CX3CR1: variants seen among roughly 807,000 people sequenced by gnomAD.
The protein encoded by CX3CR1 is C-X3-C motif chemokine receptor 1.
For missense variants in CX3CR1, 363 were observed against 432.4 expected (o/e 0.84, Z 1.42); for synonymous variants, 168 against 178.5 (o/e 0.94, Z 0.47).
chr3:39,266,668 T>A, intron 1 of CX3CR1, 150 bp from the exon 2 acceptor site: 1 of 811,542 alleles, frequency 1.2e-6, no homozygotes, highest in Non-Finnish European at 2.2e-6. Flanking sequence ...CCATCTTGTT[T>A]AATCCCCACA....
Position 39,266,239 on chromosome 3 carries a change from A to G in CX3CR1, c.271T>C (p.Leu91=). The G allele has an allele frequency of 6.2e-7, 1 of 1,614,234 alleles. No homozygotes were observed. The highest frequency in any genetic ancestry group is 8.5e-7 in the Non-Finnish European group (1 of 1,180,034). The change falls in exon 2 of 2, where the codon TTG becomes CTG. Residue 91 remains leucine, a synonymous_variant. Transcript: ENST00000399220. The part of the protein sequence containing the change: ...VATLPFWTHY[L]INEKGLHNAM... Reference sequence around the variant, plus strand: ...TTGTGGAGGCCCTTTTCATTTATCAAATAGTGAGTCCAGAAGGGCAAAGTG... The same window carrying G: ...TTGTGGAGGCCCTTTTCATTTATCAGATAGTGAGTCCAGAAGGGCAAAGTG...
Position 39,266,270 on chromosome 3 carries a change from A to G in CX3CR1, c.240T>C (p.Phe80=), listed in dbSNP as rs780513445. ...GAGTCCAGAAGGGCAAAGTGGCTAC[A>G]AACAGCAGATCAGACAAGGCCAGGT... ...LLNLALSDLL[F]VATLPFWTHY... The change falls in exon 2 of 2, where the codon TTT becomes TTC. Residue 80 remains phenylalanine, a synonymous_variant. Coordinates refer to ENST00000399220, the MANE Select transcript of CX3CR1 (RefSeq NM_001337.4). 56 of 1,614,130 alleles carry G rather than the reference A, an allele frequency of 3.5e-5. No individual in the cohort carries two copies. Among genetic ancestry groups the G allele is most frequent in the Non-Finnish European group, 4.4e-5 (52 of 1,180,058 alleles).
intron 1 of CX3CR1, among the ~76,000 whole-genome samples, chr3:39,272,302 C>T (rs536076018): frequency 4.6e-5 from 7 of 152,210 alleles, no homozygotes; most frequent in Non-Finnish European, 1.0e-4. Context: ...GGGAGAGTTT[C>T]GGTGAACCTA....
At chr3:39,284,392 C>T (rs2040930609), upstream of CX3CR1, among the ~76,000 whole-genome samples, 1 of 152,148 alleles carries the variant, frequency 6.6e-6, no homozygotes, top group Admixed American at 6.5e-5. Flanking sequence ...GAACTCCTGA[C>T]CTCAAGTGAT....
At chr3:39,283,839 AT>A (rs2040927454), upstream of CX3CR1, among the ~76,000 whole-genome samples, 10 of 121,654 alleles carry the variant, frequency 8.2e-5, no homozygotes, top group African/African-American at 3.0e-4. Flanking sequence ...ATATATATAT[AT>A]AATGTGGTTA....
In CX3CR1 at chr3:39,266,280, T is replaced by A; in HGVS notation, c.230A>T (p.Asp77Val). The A allele has an allele frequency of 6.2e-7, 1 of 1,614,172 alleles. No individual in the cohort carries two copies. Among genetic ancestry groups the A allele is most frequent in the Non-Finnish European group, 8.5e-7 (1 of 1,180,034 alleles). Residue 77 changes from aspartate (D) to valine (V), a missense_variant, in exon 2 of 2, where the codon GAT becomes GTT. Coordinates refer to ENST00000399220, the MANE Select transcript of CX3CR1 (RefSeq NM_001337.4). ...GGGCAAAGTGGCTACAAACAGCAGATCAGACAAGGCCAGGTTCAGGAGGTA... is the reference window on the plus strand; with the variant it reads ...GGGCAAAGTGGCTACAAACAGCAGAACAGACAAGGCCAGGTTCAGGAGGTA... ...DIYLLNLALS[D>V]LLFVATLPFW...
chr3:39,289,811 A>G, the CX3CR1 span, among the ~76,000 whole-genome samples: 1 of 152,160 alleles, frequency 6.6e-6, no homozygotes, highest in Middle Eastern at 3.2e-3. Flanking sequence ...GAGAGACACC[A>G]GGGATGTATG....
At chr3:39,268,789 G>A (rs2040736313) in intron 1 of CX3CR1, among the ~76,000 whole-genome samples, 1 of 152,174 alleles carries the variant, frequency 6.6e-6, no homozygotes, top group South Asian at 2.1e-4. Context: ...CTGTAAGATC[G>A]GGATTCATTC....
the CX3CR1 span, chr3:39,287,384 G>A: frequency 1.3e-5 from 2 of 152,186 alleles, no homozygotes; most frequent in Non-Finnish European, 2.9e-5. Flanking sequence ...GTCCTCAAGT[G>A]ACCGTTTGGC....
the CX3CR1 span, among the ~76,000 whole-genome samples, chr3:39,290,581 A>G: frequency 6.6e-6 from 1 of 152,236 alleles, no homozygotes; most frequent in South Asian, 2.1e-4. Flanking sequence ...GCTGAGTCAC[A>G]GAATAAACTG....
At chr3:39,278,837 A>G (rs1199258392) in intron 1 of CX3CR1, among the ~76,000 whole-genome samples, 1 of 151,852 alleles carries the variant, frequency 6.6e-6, no homozygotes, top group East Asian at 1.9e-4. Flanking sequence ...CCTCTGATGG[A>G]TTTCCTCCTG....
chr3:39,282,618 C>T (rs1273035360), upstream of CX3CR1, among the ~76,000 whole-genome samples: 1 of 152,142 alleles, frequency 6.6e-6, no homozygotes, highest in Non-Finnish European at 1.5e-5. Context: ...TGCAGGCACC[C>T]ATCACACAAT....
intron 1 of CX3CR1, among the ~76,000 whole-genome samples, chr3:39,268,474 A>G (rs180847995): frequency 1.3e-5 from 2 of 152,340 alleles, no homozygotes; most frequent in Admixed American, 6.5e-5. Flanking sequence ...GTCACAGAGC[A>G]TGATCTTCCC....
upstream of CX3CR1, among the ~76,000 whole-genome samples, chr3:39,285,258 T>G (rs2040936409): frequency 6.6e-6 from 1 of 150,568 alleles, no homozygotes; most frequent in Non-Finnish European, 1.5e-5. Context: ...GGTGCCGACC[T>G]GTAGTCCCAG....
intron 1 of CX3CR1, among the ~76,000 whole-genome samples, chr3:39,268,265 G>A (rs542645092): frequency 9.8e-5 from 15 of 152,312 alleles, no homozygotes; most frequent in Admixed American, 1.3e-4. Context: ...CCCAGGGAAC[G>A]TGTATGCTTT....
chr3:39,285,869 G>A (rs1260025188), upstream of CX3CR1: 2 of 152,132 alleles, frequency 1.3e-5, no homozygotes, highest in African/African-American at 4.8e-5. Context: ...TCTTTATATT[G>A]TTTGCTGATA....
chr3:39,276,644 C>T (rs1383466842), intron 1 of CX3CR1, among the ~76,000 whole-genome samples: 2 of 152,230 alleles, frequency 1.3e-5, no homozygotes, highest in African/African-American at 4.8e-5. Flanking sequence ...TGCTAATGCA[C>T]ACATAGGTGG....
At chr3:39,267,691 G>C (rs2040722168) in intron 1 of CX3CR1, among the ~76,000 whole-genome samples, 1 of 152,224 alleles carries the variant, frequency 6.6e-6, no homozygotes, top group South Asian at 2.1e-4. Context: ...CAAGATGGAG[G>C]ATGGGGCTCC....
At chr3:39,290,059 A>G in the CX3CR1 span, among the ~76,000 whole-genome samples, 1 of 152,252 alleles carries the variant, frequency 6.6e-6, no homozygotes, top group Admixed American at 6.5e-5. Flanking sequence ...GCTGAAGACC[A>G]TGAGGAACAT....
Sources: allele counts gnomAD v4.1 joint callset (sites outside exome capture counted in the v4.1 genomes callset), GRCh38; gene constraint gnomAD v4.1.1; transcripts MANE v1.5; gene names NCBI Gene and HGNC (gene_info 2026-07-23, HGNC 2026-07-21).